The following AQR variants were observed in gnomAD, a reference collection of about 807,000 sequenced individuals.
AQR encodes the protein aquarius intron-binding spliceosomal factor.
A neutral mutation model predicts 180.5 loss-of-function variants in AQR; 61 were observed. The observed-to-expected ratio is 0.34, with a 90% CI of 0.28 to 0.42. The LOEUF (loss-of-function observed/expected upper bound fraction) is 0.42. Ranked by LOEUF, AQR falls within the 10% of genes least tolerant of loss-of-function variation. AQR has a pLI of 1.00. For missense variants in AQR, 1,281 were observed against 1,798.3 expected (o/e 0.71, Z 5.20); for synonymous variants, 551 against 588.8 (o/e 0.94, Z 0.93).
Position 34,927,134 on chromosome 15 carries a change from G to C in AQR, c.1019C>G (p.Ala340Gly), listed in dbSNP as rs747300639. ...HYDRITSLQR[A>G]AFAHFPELYD... ...GAGTTCAGGAAAATGTGCAAAAGCAGCTCTCTAGAAAATAATGGCAAAAAA... is the reference window on the plus strand; with the variant it reads ...GAGTTCAGGAAAATGTGCAAAAGCACCTCTCTAGAAAATAATGGCAAAAAA... Residue 340 changes from alanine (A) to glycine (G), a missense_variant, in exon 13 of 35, where the codon GCT becomes GGT. Ala to Gly is a moderately conservative substitution (Grantham distance 60). Transcript: ENST00000156471. 5.8e-6 allele frequency: 9 copies of C among 1,564,994 alleles called. No individual in the cohort carries two copies. Among genetic ancestry groups the C allele is most frequent in the Non-Finnish European group, 7.8e-6 (9 of 1,155,432 alleles).
intron 27 of AQR, among the ~76,000 whole-genome samples, chr15:34,876,534 T>C (rs1892891664): frequency 6.6e-6 from 1 of 152,152 alleles, no homozygotes; most frequent in African/African-American, 2.4e-5. Context: ...TTTTTCTTTA[T>C]TTCTACCAGC....
intron 27 of AQR, among the ~76,000 whole-genome samples, chr15:34,876,222 T>C (rs992662621): frequency 2.6e-5 from 4 of 152,210 alleles, no homozygotes; most frequent in Non-Finnish European, 5.9e-5. Flanking sequence ...GTATTTGACT[T>C]CAGGAAAGCC....
In AQR at chr15:34,856,260, G is replaced by C. The variant is rs1241377275; in HGVS notation, c.*532C>G. ...GATTCTAAGGCATTCTAAGATTTGA[G>C]AGAAGGAAATGCATGTAACCACTTT... On this transcript the variant is annotated 3_prime_UTR_variant, in exon 35 of 35. Coordinates refer to ENST00000156471, the MANE Select transcript of AQR (RefSeq NM_014691.3). 2 of 298,510 alleles carry C rather than the reference G, an allele frequency of 6.7e-6. No individual in the cohort carries two copies. The highest frequency in any genetic ancestry group is 1.2e-5 in the Non-Finnish European group (2 of 164,596). The allele number at this position is 298,510 out of a possible 1,614,324, so 18.5% of individuals were successfully genotyped here.
At chr15:34,896,102 T>C (rs1893239321) in intron 22 of AQR, among the ~76,000 whole-genome samples, 1 of 152,152 alleles carries the variant, frequency 6.6e-6, no homozygotes, top group African/African-American at 2.4e-5. Context: ...TAAACACACT[T>C]CTAAATCAGT....
intron 11 of AQR, among the ~76,000 whole-genome samples, chr15:34,931,317 G>T (rs548066898): frequency 1.3e-5 from 2 of 152,102 alleles, no homozygotes; most frequent in Admixed American, 1.3e-4. Flanking sequence ...ATTATTTTTA[G>T]ATCTAATCTA....
intron 15 of AQR, 30 bp from the exon 16 acceptor site, chr15:34,915,209 A>ATTT (rs370486508): frequency 1.3e-4 from 164 of 1,294,304 alleles, no homozygotes; most frequent in South Asian, 3.4e-4. Flanking sequence ...CCATATTTCA[A>ATTT]TTTTTTTTTT....
Position 34,897,031 on chromosome 15 carries a change from A to G in AQR, c.2391-65T>C. On this transcript the variant is annotated intron_variant, in intron 21 of 34. Transcript: ENST00000156471. ...GATGCTTTGTATAATACAAATTTAGACAACAATGACCAGTGGTCTAAATAT... is the reference window on the plus strand; with the variant it reads ...GATGCTTTGTATAATACAAATTTAGGCAACAATGACCAGTGGTCTAAATAT... 8.4e-6 allele frequency: 11 copies of G among 1,306,098 alleles called. 1 individual carries two copies. In the South Asian group the frequency reaches 1.2e-4, roughly 15 times the overall value. 80.9% of individuals were successfully genotyped at this position (1,306,098 alleles called of 1,614,324 possible). A position where few individuals can be genotyped will look rare whatever the true frequency, so the allele number is the denominator to read the frequency against.
chr15:34,902,849 G>C (rs1031818106), intron 19 of AQR, among the ~76,000 whole-genome samples: 4 of 152,080 alleles, frequency 2.6e-5, no homozygotes, highest in Admixed American at 2.6e-4. Context: ...AACAGGCACA[G>C]TTCTAGGTGC....
chr15:34,898,232 T>C (rs903855026), intron 20 of AQR, among the ~76,000 whole-genome samples: 3 of 152,146 alleles, frequency 2.0e-5, no homozygotes, highest in Non-Finnish European at 4.4e-5. Context: ...ATATGAAGCT[T>C]TTAAGGCAGA....
chr15:34,919,238 C>CAAAAAAAAA (rs35127817), intron 14 of AQR, among the ~76,000 whole-genome samples: 2 of 111,276 alleles, frequency 1.8e-5, no homozygotes. Flanking sequence ...GACTCCATCT[C>CAAAAAAAAA]AAAAAAAAAA....
chr15:34,931,059 A>G (rs1893852059), intron 11 of AQR, among the ~76,000 whole-genome samples: 1 of 151,984 alleles, frequency 6.6e-6, no homozygotes, highest in Non-Finnish European at 1.5e-5. Context: ...GATGGTCTCA[A>G]TCTCCTGACC....
At position 34,882,480 on chromosome 15, in the gene AQR, A is replaced by AC. The variant is rs749178106; in HGVS notation, c.3165+21_3165+22insG. 1.7e-5 allele frequency: 25 copies of AC among 1,465,288 alleles called. No individual in the cohort carries two copies. The Admixed American group carries it at 6.6e-4, about 39-fold the overall frequency. 90.8% of individuals were successfully genotyped at this position (1,465,288 alleles called of 1,614,324 possible). On this transcript the variant is annotated intron_variant, in intron 27 of 34. Coordinates refer to ENST00000156471, the MANE Select transcript of AQR (RefSeq NM_014691.3). ...CTGATAATCTTAAAAAAAAAAAAAA[A>AC]AAAACTACCATAAGTCTTTACCTTG...
intron 30 of AQR, 117 bp downstream of exon 30, chr15:34,873,711 T>G: frequency 1.2e-6 from 1 of 810,700 alleles, no homozygotes; most frequent in Non-Finnish European, 1.9e-6. Context: ...ATGCTATGTG[T>G]AAGGTGGGGT....
At position 34,920,365 on chromosome 15, in the gene AQR, T is replaced by C; in HGVS notation, c.1188A>G (p.Thr396=). Residue 396 remains threonine (T), a synonymous_variant, in exon 14 of 35, where the codon ACA becomes ACG. Transcript: ENST00000156471. ...CTAGAAGAAATTCTTTATCAAAAGT[T>C]GTGTCTTCATTTTTAGGAAGAGTTG... ...LLPTLPKNED[T]TFDKEFLLEL... The C allele has an allele frequency of 6.2e-7, 1 of 1,613,214 alleles. No individual in the cohort carries two copies. The highest frequency in any genetic ancestry group is 8.5e-7 in the Non-Finnish European group (1 of 1,179,496).
In AQR at chr15:34,874,883, G is replaced by C; in HGVS notation, c.3238-19C>G. On this transcript the variant is annotated intron_variant, in intron 28 of 34. Coordinates refer to ENST00000156471, the MANE Select transcript of AQR (RefSeq NM_014691.3). ...GAGGATTCTAGAAATGAAAAGTAAG[G>C]AAATGGCAAAATACTCTATTATCCT... 6.2e-7 allele frequency: 1 copy of C among 1,607,756 alleles called. No individual in the cohort carries two copies. The highest frequency in any genetic ancestry group is 1.3e-5 in the African/African-American group (1 of 74,592).
At chr15:34,955,950 T>C (rs902580390) in intron 3 of AQR, among the ~76,000 whole-genome samples, 1 of 149,348 alleles carries the variant, frequency 6.7e-6, no homozygotes, top group Non-Finnish European at 1.5e-5. Context: ...AAAGAGTACA[T>C]AGTGTGTGAT....
chr15:34,906,916 A>G (rs747798891), intron 17 of AQR, among the ~76,000 whole-genome samples: 9 of 152,184 alleles, frequency 5.9e-5, no homozygotes, highest in Non-Finnish European at 1.2e-4. Flanking sequence ...AATTGAAATG[A>G]AAACTTCTTT....
rs765278344 is a variant in AQR at position 34,943,350 on chromosome 15, G to A, written c.471+938C>T. ...GGCTATTAAAAGATGCAAGCATTTTGAACTGGGAGGAGATAAGAAGAGAAA... is the reference window on the plus strand; with the variant it reads ...GGCTATTAAAAGATGCAAGCATTTTAAACTGGGAGGAGATAAGAAGAGAAA... On this transcript the variant is annotated intron_variant, in intron 6 of 34. Coordinates refer to ENST00000156471, the MANE Select transcript of AQR (RefSeq NM_014691.3). 2.0e-6 allele frequency: 3 copies of A among 1,474,914 alleles called. No homozygotes were observed. In the South Asian group the frequency reaches 3.4e-5, roughly 17 times the overall value. The allele number at this position is 1,474,914 out of a possible 1,614,324, so 91.4% of individuals were successfully genotyped here.
chr15:34,876,639 T>A (rs574751370), intron 27 of AQR, among the ~76,000 whole-genome samples: 5 of 152,164 alleles, frequency 3.3e-5, no homozygotes, highest in African/African-American at 1.2e-4. Context: ...TCTAAGGCAC[T>A]TATACAACTC....
Sources: gnomAD v4.1 joint callset for allele counts (sites outside exome capture counted in the v4.1 genomes callset) on GRCh38, gnomAD v4.1.1 for gene constraint, MANE v1.5 for transcripts, NCBI Gene and HGNC (gene_info 2026-07-23, HGNC 2026-07-21) for gene names.